ADK: variants seen among roughly 807,000 people sequenced by gnomAD.
The protein encoded by ADK is N6,N6-dimethyladenosine kinase.
A neutral mutation model predicts 44.7 loss-of-function variants in ADK; 24 were observed. That is an observed-to-expected ratio of 0.54 (90% CI 0.39 to 0.76). ADK has a LOEUF of 0.76. Ranked by LOEUF, ADK falls within the 30% of genes least tolerant of loss-of-function variation. The pLI is 0.00. For missense variants in ADK, 321 were observed against 425.1 expected, an observed-to-expected ratio of 0.76 and a Z score of 2.15; for synonymous variants, 128 against 142.6, an observed-to-expected ratio of 0.90 and a Z score of 0.73.
At chr10:74,477,828 G>A (rs1033280205) in intron 6 of ADK, among the ~76,000 whole-genome samples, 2 of 152,050 alleles carry the variant, frequency 1.3e-5, no homozygotes, top group Non-Finnish European at 2.9e-5. Context: ...CAGTTAAAAG[G>A]CAATAAACAG....
chr10:74,457,774 A>G (rs929991345), intron 6 of ADK, among the ~76,000 whole-genome samples: 9 of 152,286 alleles, frequency 5.9e-5, no homozygotes, highest in Middle Eastern at 6.8e-3. Context: ...AGAACAGAAA[A>G]CCAAACACTG....
chr10:74,648,104 A>G (rs1265829464), intron 9 of ADK, among the ~76,000 whole-genome samples: 1 of 152,048 alleles, frequency 6.6e-6, no homozygotes, highest in Non-Finnish European at 1.5e-5. Flanking sequence ...ATATATACAC[A>G]TACATAGGCT....
chr10:74,403,698 G>A (rs1160962739), intron 6 of ADK, among the ~76,000 whole-genome samples: 2 of 152,090 alleles, frequency 1.3e-5, no homozygotes, highest in Non-Finnish European at 2.9e-5. Context: ...GCGCTTCCCA[G>A]GTGAAGCGAT....
At chr10:74,421,649 C>T (rs76079531) in intron 6 of ADK, among the ~76,000 whole-genome samples, 2,397 of 152,154 alleles carry the variant, frequency 0.016, 29 homozygotes, top group Middle Eastern at 0.034. Flanking sequence ...ATAAAAGGAT[C>T]CAGGACTCCT....
chr10:74,461,977 T>G (rs944437421), intron 6 of ADK, among the ~76,000 whole-genome samples: 3 of 152,114 alleles, frequency 2.0e-5, no homozygotes, highest in South Asian at 4.1e-4. Flanking sequence ...ATATGGTATC[T>G]GTTAGAGCTT....
chr10:74,237,875 G>T (rs757017969), intron 3 of ADK, among the ~76,000 whole-genome samples: 2 of 152,152 alleles, frequency 1.3e-5, no homozygotes, highest in East Asian at 3.9e-4. Flanking sequence ...GAGGCAGGCA[G>T]ATCACCTGAG....
intron 2 of ADK, among the ~76,000 whole-genome samples, chr10:74,221,793 G>T (rs1467192282): frequency 6.8e-6 from 1 of 146,336 alleles, no homozygotes; most frequent in East Asian, 1.9e-4. Context: ...TTTAATAAAT[G>T]GTGCTGGGAA....
chr10:74,520,821 T>C (rs1371078228), intron 6 of ADK, among the ~76,000 whole-genome samples: 5 of 152,148 alleles, frequency 3.3e-5, no homozygotes, highest in Non-Finnish European at 7.4e-5. Flanking sequence ...TGTGTTGTTT[T>C]GTTTTCTGTT....
intron 6 of ADK, among the ~76,000 whole-genome samples, chr10:74,504,368 C>A (rs1847974605): frequency 2.0e-5 from 3 of 151,918 alleles, no homozygotes; most frequent in Non-Finnish European, 4.4e-5. Context: ...ATACAGTTAA[C>A]CCTTGAACAG....
chr10:74,198,984 C>G (rs1016832720), intron 1 of ADK, among the ~76,000 whole-genome samples: 3 of 152,058 alleles, frequency 2.0e-5, no homozygotes, highest in Non-Finnish European at 4.4e-5. Flanking sequence ...AAAGTTTTAG[C>G]TAGACATTTT....
intron 3 of ADK, among the ~76,000 whole-genome samples, chr10:74,271,195 G>T (rs944919395): frequency 3.3e-5 from 5 of 151,988 alleles, no homozygotes; most frequent in Non-Finnish European, 2.9e-5. Context: ...GGGGGTTTTT[G>T]ATACCCCCAA....
intron 3 of ADK, among the ~76,000 whole-genome samples, chr10:74,299,232 G>A (rs1176223271): frequency 2.6e-5 from 4 of 151,656 alleles, no homozygotes; most frequent in East Asian, 1.9e-4. Context: ...AGTGGCTCAA[G>A]CCTGTAATCC....
At chr10:74,280,310 G>C (rs1325511832) in intron 3 of ADK, among the ~76,000 whole-genome samples, 1 of 151,880 alleles carries the variant, frequency 6.6e-6, no homozygotes, top group African/African-American at 2.4e-5. Flanking sequence ...CACTGTGTTA[G>C]CCAGGATGGT....
chr10:74,576,984 A>T (rs562860008), intron 7 of ADK, among the ~76,000 whole-genome samples: 1 of 152,234 alleles, frequency 6.6e-6, no homozygotes, highest in East Asian at 1.9e-4. Context: ...TGCAGTATGA[A>T]CTTTGCAGAA....
chr10:74,583,376 A>G (rs1166141543), intron 7 of ADK, among the ~76,000 whole-genome samples: 1 of 152,172 alleles, frequency 6.6e-6, no homozygotes, highest in Non-Finnish European at 1.5e-5. Flanking sequence ...GCTTCAGAAT[A>G]ACAGAAGACA....
intron 6 of ADK, chr10:74,423,634 TG>T: frequency 2.6e-6 from 1 of 381,450 alleles, no homozygotes. Context: ...CTGTGCTTCG[TG>T]GAATTCTGGG....
intron 4 of ADK, among the ~76,000 whole-genome samples, chr10:74,325,843 G>GT (rs2131833786): frequency 6.6e-6 from 1 of 150,516 alleles, no homozygotes; most frequent in East Asian, 1.9e-4. Flanking sequence ...GAATTATCTT[G>GT]TTAATGTGCT....
At chr10:74,434,728 G>A (rs1845123676) in intron 6 of ADK, among the ~76,000 whole-genome samples, 1 of 152,142 alleles carries the variant, frequency 6.6e-6, no homozygotes, top group African/African-American at 2.4e-5. Flanking sequence ...AAACAACTAT[G>A]TTTTAGCTTA....
intron 2 of ADK, among the ~76,000 whole-genome samples, chr10:74,215,311 G>T (rs1843970027): frequency 6.6e-6 from 1 of 152,146 alleles, no homozygotes; most frequent in African/African-American, 2.4e-5. Context: ...TGGGAAGTTG[G>T]GTTATAGCTT....
Sources: gnomAD v4.1 joint callset for allele counts (sites outside exome capture counted in the v4.1 genomes callset) on GRCh38, gnomAD v4.1.1 for gene constraint, MANE v1.5 for transcripts, NCBI Gene and HGNC (gene_info 2026-07-23, HGNC 2026-07-21) for gene names.